Variants in EGLN1 observed in about 807,000 individuals in gnomAD.
The protein encoded by EGLN1 is egl-9 family hypoxia inducible factor 1, also known as egl nine homolog 1.
Under a neutral mutation model 38.3 loss-of-function variants are expected in EGLN1, and 17 were observed. The observed-to-expected ratio is 0.44, with a 90% CI of 0.30 to 0.67. The LOEUF is 0.67. Among genes scored for constraint, EGLN1 ranks in the 30% least tolerant of loss-of-function variants. The probability of loss-of-function intolerance (pLI) is 0.08; values close to 1 mark genes in which losing one functional copy is unlikely to be tolerated. For missense variants in EGLN1, 477 were observed against 603.3 expected (o/e 0.79, Z 2.19); for synonymous variants, 283 against 257.5 (o/e 1.10, Z -0.95).
intron 1 of EGLN1, among the ~76,000 whole-genome samples, chr1:231,387,955 AC>A (rs1688263574): frequency 6.6e-6 from 1 of 152,174 alleles, no homozygotes. Context: ...TCTTTATGTC[AC>A]AATGTTTGCT....
At chr1:231,411,854 C>T (rs974406112) in intron 1 of EGLN1, among the ~76,000 whole-genome samples, 10 of 151,180 alleles carry the variant, frequency 6.6e-5, no homozygotes, top group Non-Finnish European at 1.5e-4. Context: ...AAAAAATTAG[C>T]CAGGTGTGGT....
At chr1:231,397,687 T>C (rs1688564941) in intron 1 of EGLN1, among the ~76,000 whole-genome samples, 1 of 152,216 alleles carries the variant, frequency 6.6e-6, no homozygotes, top group Non-Finnish European at 1.5e-5. Flanking sequence ...TCTTTATGTC[T>C]TCAGCACAGT....
intron 1 of EGLN1, among the ~76,000 whole-genome samples, chr1:231,408,050 A>G (rs1291180909): frequency 6.6e-6 from 1 of 152,164 alleles, no homozygotes; most frequent in Non-Finnish European, 1.5e-5. Flanking sequence ...AGCAATAATA[A>G]AAGTCCTCTG....
intron 1 of EGLN1, among the ~76,000 whole-genome samples, chr1:231,406,470 G>A (rs1272305564): frequency 6.6e-6 from 1 of 151,976 alleles, no homozygotes; most frequent in Non-Finnish European, 1.5e-5. Context: ...GTATATACCG[G>A]TTAACTTTGT....
chr1:231,407,454 C>T (rs1040126422), intron 1 of EGLN1, among the ~76,000 whole-genome samples: 27 of 152,084 alleles, frequency 1.8e-4, no homozygotes, highest in Admixed American at 1.2e-3. Flanking sequence ...TAAAATTTTG[C>T]TCTTGAAAAT....
intron 4 of EGLN1, among the ~76,000 whole-genome samples, chr1:231,366,901 C>G (rs1687663281): frequency 1.3e-5 from 2 of 152,120 alleles, no homozygotes; most frequent in South Asian, 4.1e-4. Flanking sequence ...AATGTGAATA[C>G]TCAGTGGATT....
intron 1 of EGLN1, among the ~76,000 whole-genome samples, chr1:231,392,059 G>A (rs2248649): frequency 0.55 from 82,800 of 151,914 alleles, 24,173 homozygotes; most frequent in Non-Finnish European, 0.65. Context: ...AGGCCTAGGC[G>A]GGCGGATCAC....
At chr1:231,390,581 T>C (rs1346616286) in intron 1 of EGLN1, among the ~76,000 whole-genome samples, 3 of 152,236 alleles carry the variant, frequency 2.0e-5, no homozygotes, top group African/African-American at 7.2e-5. Flanking sequence ...TATTCCAGTT[T>C]TGGGCCTCCA....
Position 231,374,041 on chromosome 1 carries a change from G to C in EGLN1, c.950C>G (p.Pro317Arg), listed in dbSNP as rs80358193. ...GTGYVRHVDNPNGDGRCVTCI... is the reference protein window; with the variant it reads ...GTGYVRHVDNRNGDGRCVTCI... The stretch of plus-strand genomic sequence containing the variant: ...TGTCACACATCTTCCATCTCCATTT[G>C]GATTATCAACATGACGTACATAACC... Residue 317 changes from proline (P) to arginine (R), a missense_variant, in exon 2 of 5, where the codon CCA becomes CGA. Pro to Arg is a moderately radical substitution (Grantham distance 103). Transcript: ENST00000366641. 1 of 1,613,300 alleles carries C rather than the reference G, an allele frequency of 6.2e-7. No homozygotes were observed.
Position 231,370,022 on chromosome 1 carries a change from A to G in EGLN1, c.1148+540T>C, listed in dbSNP as rs115266135. Among the ~76,000 whole-genome samples, 1,228 of 152,324 alleles carry G rather than the reference A, an allele frequency of 8.1e-3. 20 individuals carry two copies. Among genetic ancestry groups the G allele is most frequent in the African/African-American group, 0.028 (1,165 of 41,562 alleles). ...AAAAAGTATAATGAAACAGATGCTC[A>G]TTATTTGTAAAGCTAATAGGATCAT... On this transcript the variant is annotated intron_variant, in intron 3 of 4. Transcript: ENST00000366641.
At chr1:231,402,899 G>C (rs1200584631) in intron 1 of EGLN1, among the ~76,000 whole-genome samples, 2 of 127,690 alleles carry the variant, frequency 1.6e-5, no homozygotes, top group Non-Finnish European at 3.5e-5. Flanking sequence ...AATTTCCTTA[G>C]TATCTTTATT....
At chr1:231,378,852 A>G (rs1313945714) in intron 1 of EGLN1, among the ~76,000 whole-genome samples, 3 of 152,216 alleles carry the variant, frequency 2.0e-5, no homozygotes, top group Non-Finnish European at 4.4e-5. Flanking sequence ...GAATGAAGGG[A>G]AAAGGTTTAC....
At chr1:231,402,510 T>C (rs1235850792) in intron 1 of EGLN1, among the ~76,000 whole-genome samples, 2 of 151,520 alleles carry the variant, frequency 1.3e-5, no homozygotes, top group African/African-American at 2.4e-5. Flanking sequence ...TCTCAGCTCA[T>C]TGCAACCTCT....
At chr1:231,405,201 C>T (rs928003120) in intron 1 of EGLN1, among the ~76,000 whole-genome samples, 1 of 152,122 alleles carries the variant, frequency 6.6e-6, no homozygotes, top group Non-Finnish European at 1.5e-5. Context: ...GAGACGGAGT[C>T]TTGTTCTGTC....
intron 1 of EGLN1, among the ~76,000 whole-genome samples, chr1:231,404,465 T>C (rs1171925600): frequency 6.6e-6 from 1 of 152,098 alleles, no homozygotes; most frequent in East Asian, 1.9e-4. Flanking sequence ...AAATCAAATA[T>C]GGGCTTACGT....
chr1:231,384,175 T>TA (rs1026867464), intron 1 of EGLN1, among the ~76,000 whole-genome samples: 2 of 151,826 alleles, frequency 1.3e-5, no homozygotes, highest in Non-Finnish European at 1.5e-5. Context: ...AGAACTCATT[T>TA]AAAAAAAATT....
rs1553353098 is a variant in EGLN1, at chr1:231,391,092, T to TTTTTTGTG, written c.892-16994_892-16993insCACAAAAA. Among the ~76,000 whole-genome samples the TTTTTTGTG allele has an allele frequency of 3.6e-4, 24 of 67,364 alleles. 3 individuals are homozygous for TTTTTTGTG. Among genetic ancestry groups the TTTTTTGTG allele is most frequent in the African/African-American group, 1.1e-3 (24 of 21,060 alleles). The allele number at this position is 67,364 out of a possible 152,430, so 44.2% of individuals were successfully genotyped here. ...ACAGGGAACTCATTCTGTTTTTTTTTTGTGTGTGTGTGTGTGTGTGTGTGT... is the reference window on the plus strand; with the variant it reads ...ACAGGGAACTCATTCTGTTTTTTTTTTTTTTGTGTGTGTGTGTGTGTGTGTGTGTGTGT... On this transcript the variant is annotated intron_variant, in intron 1 of 4. Transcript: ENST00000366641.
chr1:231,414,261 T>C (rs1689020828), intron 1 of EGLN1, among the ~76,000 whole-genome samples: 1 of 152,110 alleles, frequency 6.6e-6, no homozygotes, highest in Non-Finnish European at 1.5e-5. Flanking sequence ...AAGAATGTGC[T>C]AGAATAAAAG....
At chr1:231,407,664 T>C (rs1330670804) in intron 1 of EGLN1, among the ~76,000 whole-genome samples, 1 of 152,130 alleles carries the variant, frequency 6.6e-6, no homozygotes, top group Admixed American at 6.5e-5. Context: ...CCCTCTCCAT[T>C]AGATTCATGG....
Sources: allele counts gnomAD v4.1 joint callset (sites outside exome capture counted in the v4.1 genomes callset), GRCh38; gene constraint gnomAD v4.1.1; transcripts MANE v1.5; gene names NCBI Gene and HGNC (gene_info 2026-07-23, HGNC 2026-07-21).